Variants in PHIP observed in about 807,000 individuals in gnomAD.
PHIP encodes the protein PHIP subunit of CUL4-Ring ligase complex, also known as PH-interacting protein.
In PHIP, 54 loss-of-function variants were observed where a neutral mutation model predicts 236.8. The observed-to-expected ratio is 0.23, with a 90% CI of 0.18 to 0.29. The LOEUF is 0.29. PHIP is among the 10% of genes least tolerant of loss of function. The pLI is 1.00. For synonymous variants in PHIP, 756 were observed against 718.9 expected (o/e 1.05, Z -0.83); for missense variants, 1,370 against 2,190.8 (o/e 0.63, Z 7.48).
intron 15 of PHIP, among the ~76,000 whole-genome samples, chr6:79,009,031 T>C (rs1770439630): frequency 6.6e-6 from 1 of 152,144 alleles, no homozygotes; most frequent in Non-Finnish European, 1.5e-5. Context: ...ACTACCCCTA[T>C]AATATTTCAT....
At chr6:78,988,846 A>C (rs937421694) in intron 20 of PHIP, among the ~76,000 whole-genome samples, 1 of 152,178 alleles carries the variant, frequency 6.6e-6, no homozygotes, top group Non-Finnish European at 1.5e-5. Flanking sequence ...TGTAAGAAAA[A>C]GGATAATGGG....
chr6:79,032,512 C>T (rs563465565), intron 7 of PHIP, among the ~76,000 whole-genome samples: 3 of 152,168 alleles, frequency 2.0e-5, no homozygotes, highest in Non-Finnish European at 2.9e-5. Context: ...GAGTAAATTC[C>T]ATCTCAAGAA....
At chr6:79,018,152 T>C (rs762159383) in intron 10 of PHIP, among the ~76,000 whole-genome samples, 25 of 151,892 alleles carry the variant, frequency 1.6e-4, no homozygotes, top group Non-Finnish European at 3.1e-4. Flanking sequence ...TATAATAAAA[T>C]ATTTAAGTAC....
chr6:79,018,418 A>G (rs1360254781), intron 10 of PHIP, among the ~76,000 whole-genome samples: 2 of 151,988 alleles, frequency 1.3e-5, no homozygotes, highest in South Asian at 4.1e-4. Context: ...CCTATCCACA[A>G]TTATAAAATG....
chr6:78,970,148 C>A lies in PHIP; in HGVS notation c.3023G>T (p.Gly1008Val). ...AGGTAATCCCACTTCATACTTTATG[C>A]CAACTATTTTCATAAGTTCTTGTTC... ...LREQELMKIVGIKYEVGLPTL... is the reference protein window; with the variant it reads ...LREQELMKIVVIKYEVGLPTL... Residue 1008 changes from glycine (G) to valine (V), a missense_variant, in exon 26 of 40, where the codon GGC becomes GTC. This residue lies in a region of PHIP where 238 missense variants were observed against 398.5 expected (regional missense o/e 0.60). Coordinates refer to ENST00000275034, the MANE Select transcript of PHIP (RefSeq NM_017934.7). 1 of 1,611,788 alleles carries A rather than the reference C, an allele frequency of 6.2e-7. No homozygotes were observed. Among genetic ancestry groups the A allele is most frequent in the Non-Finnish European group, 8.5e-7 (1 of 1,178,216 alleles).
At chr6:78,955,531 A>T in intron 33 of PHIP, 82 bp downstream of exon 33, 1 of 589,662 alleles carries the variant, frequency 1.7e-6, no homozygotes. Context: ...TGTTCACAAC[A>T]GCTTTTACCT....
intron 6 of PHIP, among the ~76,000 whole-genome samples, chr6:79,054,357 G>A (rs1183974442): frequency 9.1e-5 from 13 of 143,098 alleles, no homozygotes; most frequent in East Asian, 4.2e-4. Flanking sequence ...AAAAAAAAGC[G>A]AAGTATAAAA....
intron 7 of PHIP, among the ~76,000 whole-genome samples, chr6:79,037,733 G>A (rs375443994): frequency 2.0e-5 from 3 of 152,300 alleles, no homozygotes; most frequent in South Asian, 2.1e-4. Context: ...ACAGATATTT[G>A]TATGTATTTC....
At chr6:79,059,624 T>A (rs1053411205) in intron 6 of PHIP, among the ~76,000 whole-genome samples, 2 of 65,780 alleles carry the variant, frequency 3.0e-5, no homozygotes, top group Non-Finnish European at 6.5e-5. Context: ...TATATATATA[T>A]AAAAATGCCA....
intron 17 of PHIP, 72 bp from the exon 18 acceptor site, chr6:78,998,463 T>C: frequency 8.1e-7 from 1 of 1,238,784 alleles, no homozygotes; most frequent in Middle Eastern, 1.9e-4. Context: ...CCAACCTCAC[T>C]TATGAGTTCA....
chr6:78,998,413 A>T (rs759433775), intron 17 of PHIP, 22 bp from the exon 18 acceptor site: 1 of 1,607,264 alleles, frequency 6.2e-7, no homozygotes, highest in Non-Finnish European at 8.5e-7. Flanking sequence ...CACACAAAAT[A>T]TTACGAATAT....
intron 35 of PHIP, 120 bp downstream of exon 35, chr6:78,954,694 C>T: frequency 1.6e-6 from 1 of 642,042 alleles, no homozygotes; most frequent in South Asian, 2.2e-5. Flanking sequence ...ATAATGAGAA[C>T]ATGTATAAAA....
intron 27 of PHIP, among the ~76,000 whole-genome samples, chr6:78,966,670 G>A (rs964398898): frequency 3.3e-5 from 5 of 152,162 alleles, no homozygotes; most frequent in Admixed American, 6.5e-5. Context: ...TGCTGTCGTC[G>A]TATTACTTAA....
intron 23 of PHIP, among the ~76,000 whole-genome samples, chr6:78,981,408 A>C (rs1484263176): frequency 1.3e-5 from 2 of 152,008 alleles, no homozygotes; most frequent in Admixed American, 6.6e-5. Flanking sequence ...ATTTAAACTA[A>C]AGGGAATACC....
chr6:78,992,734 G>A (rs962840102), intron 19 of PHIP, among the ~76,000 whole-genome samples: 2 of 152,086 alleles, frequency 1.3e-5, no homozygotes, highest in East Asian at 1.9e-4. Flanking sequence ...CAAATGTTAC[G>A]TGTGTTCTGA....
chr6:79,059,243 G>A (rs565229798), intron 6 of PHIP, among the ~76,000 whole-genome samples: 1 of 151,926 alleles, frequency 6.6e-6, no homozygotes, highest in African/African-American at 2.4e-5. Flanking sequence ...GAGAGAGAAA[G>A]GAACACAGAG....
At chr6:79,033,948 T>A (rs910720241) in intron 7 of PHIP, among the ~76,000 whole-genome samples, 2 of 151,952 alleles carry the variant, frequency 1.3e-5, no homozygotes, top group Non-Finnish European at 2.9e-5. Context: ...GAGAGAAAAA[T>A]GGGGAAGGGC....
intron 29 of PHIP, among the ~76,000 whole-genome samples, chr6:78,965,298 A>G (rs750747031): frequency 7.2e-5 from 11 of 152,182 alleles, no homozygotes; most frequent in South Asian, 2.1e-4. Context: ...GAACTTGCCA[A>G]GATCACATAA....
intron 18 of PHIP, 73 bp downstream of exon 18, chr6:78,998,181 C>G: frequency 8.6e-7 from 1 of 1,169,004 alleles, no homozygotes. Flanking sequence ...TTTTTTAAAC[C>G]ACTTAACACT....
Sources: allele counts gnomAD v4.1 joint callset (sites outside exome capture counted in the v4.1 genomes callset), GRCh38; gene constraint gnomAD v4.1.1; regional missense constraint gnomAD v4.1.1; transcripts MANE v1.5; gene names NCBI Gene and HGNC (gene_info 2026-07-23, HGNC 2026-07-21).